The following THOC2 variants were observed in gnomAD, a reference collection of about 807,000 sequenced individuals.
THOC2 encodes THO complex 2.
THOC2 carries 10 observed loss-of-function variants against 128.4 expected under a neutral mutation model. That is an observed-to-expected ratio of 0.08 (90% CI 0.05 to 0.13). THOC2 has a LOEUF of 0.13. Among genes scored for constraint, THOC2 ranks in the 10% least tolerant of loss-of-function variants. The pLI is 1.00. For missense variants in THOC2, 535 were observed against 1,155.7 expected (o/e 0.46, Z 7.79); for synonymous variants, 393 against 396.9 (o/e 0.99, Z 0.12).
At chrX:123,712,077 A>G (rs947476014) in intron 2 of THOC2, among the ~76,000 whole-genome samples, 1 of 110,249 alleles carries the variant, frequency 9.1e-6, no homozygotes, top group African/African-American at 3.3e-5. Flanking sequence ...TCACAAAAGC[A>G]TAATTTAAAT....
At chrX:123,616,911 A>G (rs1436515106) in intron 33 of THOC2, among the ~76,000 whole-genome samples, 2 of 110,816 alleles carry the variant, frequency 1.8e-5, no homozygotes. Flanking sequence ...AATAAATAAT[A>G]AAGAGAATCC....
intron 3 of THOC2, 24 bp downstream of exon 3, chrX:123,706,834 T>C: frequency 1.2e-6 from 1 of 838,122 alleles, no homozygotes; most frequent in Non-Finnish European, 1.6e-6. Flanking sequence ...AACTATTAAC[T>C]TAAAAAAATA....
At chrX:123,610,241 T>G (rs2046650539) in intron 38 of THOC2, 2 of 109,544 alleles carry the variant, frequency 1.8e-5, no homozygotes, top group Admixed American at 2.0e-4. Flanking sequence ...CACAATTTAT[T>G]TAAGATGGGT....
At chrX:123,679,703 G>C (rs1300619159) in intron 8 of THOC2, among the ~76,000 whole-genome samples, 1 of 111,767 alleles carries the variant, frequency 8.9e-6, no homozygotes, top group Non-Finnish European at 1.9e-5. Flanking sequence ...GAAAGAAGTA[G>C]ACATAGGAGG....
At chrX:123,712,630 C>G (rs2051238590) in intron 2 of THOC2, among the ~76,000 whole-genome samples, 1 of 112,015 alleles carries the variant, frequency 8.9e-6, no homozygotes, top group African/African-American at 3.2e-5. Context: ...AAAAGTCAAG[C>G]AATATCATAT....
chrX:123,625,319 C>T (rs1457363016), intron 25 of THOC2, among the ~76,000 whole-genome samples: 2 of 110,848 alleles, frequency 1.8e-5, no homozygotes, highest in Non-Finnish European at 3.8e-5. Context: ...AGGATGGTCT[C>T]GATCTCCTGA....
At chrX:123,731,426 A>G (rs760066417) in intron 1 of THOC2, among the ~76,000 whole-genome samples, 6 of 112,092 alleles carry the variant, frequency 5.4e-5, no homozygotes, top group African/African-American at 1.6e-4. Context: ...GTCAGAGACC[A>G]ATTAATTGCT....
rs1173785117 is a variant in THOC2 at position 123,606,408 on chromosome X, G to A, written c.*18+4510C>T. On this transcript the variant is annotated intron_variant, in intron 38 of 38. Transcript: ENST00000245838. ...GGAGTTTGAGACCAGCCTGGCCAAC[G>A]TGGTGAAACCCCGTCTATACTGAAA... Among the ~76,000 whole-genome samples, 4 of 110,601 alleles carry A rather than the reference G, an allele frequency of 3.6e-5. No individual in the cohort carries two copies. In the East Asian group the frequency reaches 1.1e-3, roughly 31 times the overall value.
chrX:123,665,611 A>T lies in THOC2; in HGVS notation c.1386+31T>A, dbSNP rs754970803. 5.2e-5 allele frequency: 54 copies of T among 1,032,093 alleles called. No individual in the cohort carries two copies. The South Asian group carries it at 1.5e-3, about 28-fold the overall frequency. 85.1% of individuals were successfully genotyped at this position (1,032,093 alleles called of 1,213,427 possible). A position where few individuals can be genotyped will look rare whatever the true frequency, so the allele number is the denominator to read the frequency against. On this transcript the variant is annotated intron_variant, in intron 12 of 38. Transcript: ENST00000245838. ...TATACTCAGAATATTTTCATTTCAAAATTTAGGTTTGTAAGAAAAATCTTA... is the reference window on the plus strand; with the variant it reads ...TATACTCAGAATATTTTCATTTCAATATTTAGGTTTGTAAGAAAAATCTTA...
intron 38 of THOC2, chrX:123,603,776 A>G (rs991975525): frequency 6.6e-6 from 2 of 301,975 alleles, no homozygotes; most frequent in Non-Finnish European, 1.2e-5. Context: ...CAACCACAAG[A>G]GCAAGTGGAA....
intron 18 of THOC2, among the ~76,000 whole-genome samples, chrX:123,637,311 CA>C (rs1233440006): frequency 1.8e-5 from 2 of 111,642 alleles, no homozygotes; most frequent in Non-Finnish European, 3.8e-5. Context: ...TGCTAGAAAC[CA>C]AAGGTACAAG....
At chrX:123,714,612 A>G (rs188782040) in intron 1 of THOC2, among the ~76,000 whole-genome samples, 4 of 111,944 alleles carry the variant, frequency 3.6e-5, no homozygotes, top group Admixed American at 9.5e-5. Context: ...GAATAATACT[A>G]CAGACCAAAT....
intron 1 of THOC2, among the ~76,000 whole-genome samples, chrX:123,716,956 A>C (rs891618434): frequency 3.6e-5 from 4 of 111,015 alleles, no homozygotes; most frequent in Admixed American, 9.6e-5. Flanking sequence ...AACACACACA[A>C]AAAAAGGCCA....
rs748747516 is a variant in THOC2, at chrX:123,652,830, G to A, written c.1387-7455C>T. ...CTCATGGGTAGGAAGAATCAATATC[G>A]TGAAAATGGCCACACCATCCAAAGT... On this transcript the variant is annotated intron_variant, in intron 12 of 38. Transcript: ENST00000245838. Among the ~76,000 whole-genome samples, 31 of 111,774 alleles carry A rather than the reference G, an allele frequency of 2.8e-4. No individual in the cohort carries two copies. In the South Asian group the frequency reaches 8.5e-3, roughly 31 times the overall value.
chrX:123,712,307 T>C (rs1465771724), intron 2 of THOC2, among the ~76,000 whole-genome samples: 1 of 111,996 alleles, frequency 8.9e-6, no homozygotes, highest in African/African-American at 3.2e-5. Context: ...GTAAAATCCT[T>C]TGAAACTAAA....
intron 30 of THOC2, 105 bp downstream of exon 30, chrX:123,622,653 G>T: frequency 1.9e-6 from 1 of 539,914 alleles, no homozygotes; most frequent in Non-Finnish European, 2.9e-6. Flanking sequence ...AGAAGTTCGA[G>T]ACCAGCCTGG....
intron 1 of THOC2, among the ~76,000 whole-genome samples, chrX:123,722,995 A>G (rs1303041092): frequency 3.6e-5 from 4 of 111,371 alleles, no homozygotes. Flanking sequence ...CCTGCCCAAC[A>G]TGGTGAAACC....
At chrX:123,615,406 T>C (rs2046851377) in intron 33 of THOC2, among the ~76,000 whole-genome samples, 3 of 111,086 alleles carry the variant, frequency 2.7e-5, no homozygotes, top group Non-Finnish European at 5.7e-5. Context: ...TGTTTAAAAG[T>C]TGATAAACTG....
chrX:123,648,231 G>A (rs1156961524), intron 12 of THOC2, among the ~76,000 whole-genome samples: 1 of 111,873 alleles, frequency 8.9e-6, no homozygotes, highest in Non-Finnish European at 1.9e-5. Context: ...CCTAGCCAAG[G>A]GAAGCCGTGA....
Sources: gnomAD v4.1 joint callset for allele counts (sites outside exome capture counted in the v4.1 genomes callset) on GRCh38, gnomAD v4.1.1 for gene constraint, MANE v1.5 for transcripts, NCBI Gene and HGNC (gene_info 2026-07-23, HGNC 2026-07-21) for gene names.